The following BCL2 variants were observed in gnomAD, a reference collection of about 807,000 sequenced individuals.
BCL2 encodes apoptosis regulator Bcl-2.
BCL2 carries 1 observed loss-of-function variant against 14.2 expected under a neutral mutation model. The observed-to-expected ratio is 0.07, with a 90% CI of 0.02 to 0.33. The LOEUF is 0.33. Ranked by LOEUF, BCL2 falls within the 10% of genes least tolerant of loss-of-function variation. The probability of loss-of-function intolerance (pLI) is 0.99; values close to 1 mark genes in which losing one functional copy is unlikely to be tolerated. For missense variants in BCL2, 247 were observed against 305.9 expected, an observed-to-expected ratio of 0.81 and a Z score of 1.44; for synonymous variants, 151 against 137.2, an observed-to-expected ratio of 1.10 and a Z score of -0.70.
chr18:63,248,252 T>C (rs982915206), intron 2 of BCL2, among the ~76,000 whole-genome samples: 8 of 152,224 alleles, frequency 5.3e-5, no homozygotes, highest in African/African-American at 1.9e-4. Context: ...ATCTGACCGG[T>C]GAGAAAAGGT....
chr18:63,139,076 G>A (rs1669755392), intron 2 of BCL2, among the ~76,000 whole-genome samples: 1 of 152,220 alleles, frequency 6.6e-6, no homozygotes, highest in South Asian at 2.1e-4. Context: ...GACCTCAGAG[G>A]ATTCCTTAGT....
chr18:63,318,187 C>G lies in BCL2; in HGVS notation c.480G>C (p.Glu160Asp). ...FFEFGGVMCV[E>D]SVNREMSPLV... Reference sequence around the variant, plus strand: ...GGGGCGACATCTCCCGGTTGACGCTCTCCACACACATGACCCCACCGAACT... The same window carrying G: ...GGGGCGACATCTCCCGGTTGACGCTGTCCACACACATGACCCCACCGAACT... The change falls in exon 2 of 3, where the codon GAG becomes GAC. Residue 160 changes from glutamate (E) to aspartate (D), a missense_variant. Transcript: ENST00000333681. This position sits in a 1 kb window ranked among gnomAD's most constrained non-coding sequence, Gnocchi z 7.4. The G allele has an allele frequency of 3.1e-6, 5 of 1,614,214 alleles. No homozygotes were observed. The highest frequency in any genetic ancestry group is 4.2e-6 in the Non-Finnish European group (5 of 1,180,042).
At chr18:63,177,447 C>CGTTGGGCGTTCCTGTCG (rs1915376393) in intron 2 of BCL2, among the ~76,000 whole-genome samples, 1 of 152,162 alleles carries the variant, frequency 6.6e-6, no homozygotes, top group Admixed American at 6.5e-5. Flanking sequence ...AGGTTCCCCG[C>CGTTGGGCGTTCCTGTCG]GTGCTAATAT....
chr18:63,176,728 T>C (rs538843427), intron 2 of BCL2, among the ~76,000 whole-genome samples: 1 of 152,344 alleles, frequency 6.6e-6, no homozygotes, highest in South Asian at 2.1e-4. Flanking sequence ...CATTTCTTTG[T>C]GTTGGGAACA....
intron 2 of BCL2, among the ~76,000 whole-genome samples, chr18:63,184,817 T>C (rs2144645705): frequency 6.6e-6 from 1 of 152,320 alleles, no homozygotes; most frequent in African/African-American, 2.4e-5. Flanking sequence ...CCGAGTAAGT[T>C]GTTGAAAGTC....
intron 2 of BCL2, among the ~76,000 whole-genome samples, chr18:63,155,747 G>A (rs1488584376): frequency 7.2e-5 from 11 of 152,344 alleles, no homozygotes; most frequent in African/African-American, 2.6e-4. Context: ...TTGGCCAGAT[G>A]CCAGGCACTC....
At chr18:63,181,939 C>G (rs1052823597) in intron 2 of BCL2, among the ~76,000 whole-genome samples, 2 of 152,194 alleles carry the variant, frequency 1.3e-5, no homozygotes, top group African/African-American at 4.8e-5. Flanking sequence ...GGGGCAGGCA[C>G]ATCGTCCTTT....
chr18:63,234,796 A>G (rs1176287811), intron 2 of BCL2, among the ~76,000 whole-genome samples: 1 of 152,252 alleles, frequency 6.6e-6, no homozygotes, highest in African/African-American at 2.4e-5. Context: ...TCCTCATCTA[A>G]AAATGCAAAC....
intron 2 of BCL2, among the ~76,000 whole-genome samples, chr18:63,198,482 A>T (rs1012976905): frequency 1.2e-4 from 18 of 148,436 alleles, no homozygotes; most frequent in Middle Eastern, 3.5e-3. Flanking sequence ...ACACTGACAG[A>T]GACACACACA....
chr18:63,156,779 T>C (rs948549471), intron 2 of BCL2, among the ~76,000 whole-genome samples: 1 of 152,168 alleles, frequency 6.6e-6, no homozygotes, highest in Admixed American at 6.5e-5. Flanking sequence ...GACTTCATAA[T>C]GGCCAAGGGG....
intron 2 of BCL2, among the ~76,000 whole-genome samples, chr18:63,265,192 G>C (rs1911791101): frequency 6.6e-6 from 1 of 152,186 alleles, no homozygotes; most frequent in Non-Finnish European, 1.5e-5. Flanking sequence ...GCTGGCAGCA[G>C]AGTTTGGGAA....
chr18:63,214,692 CTTTTT>C (rs1185969866), intron 2 of BCL2, among the ~76,000 whole-genome samples: 1 of 150,876 alleles, frequency 6.6e-6, no homozygotes, highest in African/African-American at 2.4e-5. Flanking sequence ...CATTTCTTTT[CTTTTT>C]TATTTATTTA....
intron 2 of BCL2, among the ~76,000 whole-genome samples, chr18:63,223,228 G>A (rs996641487): frequency 6.6e-6 from 1 of 151,896 alleles, no homozygotes; most frequent in Non-Finnish European, 1.5e-5. Flanking sequence ...GTGAAACCCC[G>A]TCTCTACTAA....
intron 2 of BCL2, among the ~76,000 whole-genome samples, chr18:63,240,459 A>C (rs547140174): frequency 6.6e-6 from 1 of 152,356 alleles, no homozygotes; most frequent in East Asian, 1.9e-4. Flanking sequence ...AATGTTCAAA[A>C]ATTTTCTATA....
intron 2 of BCL2, among the ~76,000 whole-genome samples, chr18:63,266,637 T>A (rs140046123): frequency 0.047 from 4,055 of 85,468 alleles, 68 homozygotes; most frequent in South Asian, 0.13. Flanking sequence ...TCTCTCTCTC[T>A]CACACACACA....
At chr18:63,285,100 T>G (rs1034848714) in intron 2 of BCL2, among the ~76,000 whole-genome samples, 3 of 152,242 alleles carry the variant, frequency 2.0e-5, no homozygotes, top group Non-Finnish European at 2.9e-5. Context: ...CTGGCTCACC[T>G]GCAGCTGCAC....
intron 2 of BCL2, among the ~76,000 whole-genome samples, chr18:63,293,242 G>T (rs1912705060): frequency 6.6e-6 from 1 of 152,230 alleles, no homozygotes; most frequent in Admixed American, 6.5e-5. Context: ...CACTGCCCAG[G>T]ATGAAATTCT....
At chr18:63,129,780 G>A (rs1452774362) in intron 2 of BCL2, among the ~76,000 whole-genome samples, 1 of 152,218 alleles carries the variant, frequency 6.6e-6, no homozygotes, top group African/African-American at 2.4e-5. Flanking sequence ...TCAGTCAAGG[G>A]CTCAGTCAGT....
In BCL2 at chr18:63,125,441, C is replaced by T. The variant is rs965963147; in HGVS notation, c.*3184G>A. 1.4e-5 allele frequency: 3 copies of T among 221,320 alleles called. No individual in the cohort carries two copies. The highest frequency in any genetic ancestry group is 4.5e-5 in the African/African-American group (2 of 44,668). The allele number at this position is 221,320 out of a possible 1,614,324, so 13.7% of individuals were successfully genotyped here. A position where few individuals can be genotyped will look rare whatever the true frequency, so the allele number is the denominator to read the frequency against. On this transcript the variant is annotated 3_prime_UTR_variant, in exon 3 of 3. Transcript: ENST00000333681. ...TTGTGCAGCGAGGGACTGGGAGGGC[C>T]GAGGAGGTTCTCAGATGTTCTTCTC...
Sources: gnomAD v4.1 joint callset for allele counts (sites outside exome capture counted in the v4.1 genomes callset) on GRCh38, gnomAD v4.1.1 for gene constraint, Gnocchi (gnomAD v3.1) non-coding constraint, MANE v1.5 for transcripts, NCBI Gene and HGNC (gene_info 2026-07-23, HGNC 2026-07-21) for gene names.